The following LHFPL3 variants were observed in gnomAD, a reference collection of about 807,000 sequenced individuals.
LHFPL3 encodes the protein LHFPL tetraspan subfamily member 3 protein.
LHFPL3 carries 5 observed loss-of-function variants against 19.3 expected under a neutral mutation model. That is an observed-to-expected ratio of 0.26 (90% confidence interval 0.14 to 0.54). The LOEUF (loss-of-function observed/expected upper bound fraction) is 0.54, where lower values mean the gene tolerates loss of function less well. Among genes scored for constraint, LHFPL3 ranks in the 20% least tolerant of loss-of-function variants. The probability of loss-of-function intolerance (pLI) is 0.94; values close to 1 mark genes in which losing one functional copy is unlikely to be tolerated. For synonymous variants in LHFPL3, 133 were observed against 126.2 expected (o/e 1.05, Z -0.36); for missense variants, 249 against 307.4 (o/e 0.81, Z 1.42).
intron 1 of LHFPL3, among the ~76,000 whole-genome samples, chr7:104,469,172 G>A (rs1285423246): frequency 6.6e-6 from 1 of 152,134 alleles, no homozygotes. Context: ...TTTCTGAACT[G>A]GCTGCTGCAG....
intron 1 of LHFPL3, among the ~76,000 whole-genome samples, chr7:104,403,749 C>G (rs1350087096): frequency 6.6e-6 from 1 of 152,010 alleles, no homozygotes; most frequent in Non-Finnish European, 1.5e-5. Flanking sequence ...CTCTCTCTCT[C>G]TCTCTCTCTC....
chr7:104,664,998 C>G (rs561503325), intron 1 of LHFPL3, among the ~76,000 whole-genome samples: 1 of 152,104 alleles, frequency 6.6e-6, no homozygotes, highest in Non-Finnish European at 1.5e-5. Context: ...ATCTTGCTGG[C>G]CATATAAAAT....
At chr7:104,486,110 G>C (rs186354821) in intron 1 of LHFPL3, among the ~76,000 whole-genome samples, 8 of 152,290 alleles carry the variant, frequency 5.3e-5, no homozygotes, top group Admixed American at 3.3e-4. Context: ...TTGAGCAGAT[G>C]TGGCAAGAGT....
At chr7:104,797,583 T>A (rs925406712) in intron 2 of LHFPL3, among the ~76,000 whole-genome samples, 20 of 152,050 alleles carry the variant, frequency 1.3e-4, no homozygotes, top group Middle Eastern at 3.2e-3. Flanking sequence ...ACTTTTTTTT[T>A]AATTCCAATA....
At chr7:104,906,155 CT>C in intron 2 of LHFPL3, 31 bp from the exon 3 acceptor site, 4 of 1,604,410 alleles carry the variant, frequency 2.5e-6, no homozygotes, top group South Asian at 1.1e-5. Flanking sequence ...TCCCCCCACC[CT>C]TTTTCTCTCT....
At chr7:104,628,358 C>T (rs1791582890) in intron 1 of LHFPL3, among the ~76,000 whole-genome samples, 1 of 152,164 alleles carries the variant, frequency 6.6e-6, no homozygotes, top group South Asian at 2.1e-4. Flanking sequence ...TAAGATAGCA[C>T]AACAGAAATC....
intron 2 of LHFPL3, among the ~76,000 whole-genome samples, chr7:104,871,894 G>A (rs1358662149): frequency 6.6e-6 from 1 of 152,030 alleles, no homozygotes; most frequent in Non-Finnish European, 1.5e-5. Flanking sequence ...CTGACCTCAG[G>A]TGATCTGCCC....
At chr7:104,902,073 A>G (rs906795537) in intron 2 of LHFPL3, among the ~76,000 whole-genome samples, 1 of 152,078 alleles carries the variant, frequency 6.6e-6, no homozygotes, top group Non-Finnish European at 1.5e-5. Flanking sequence ...AGTTGACAAT[A>G]CTCAACAAAG....
At chr7:104,735,295 G>T (rs1273650485) in intron 1 of LHFPL3, among the ~76,000 whole-genome samples, 1 of 152,206 alleles carries the variant, frequency 6.6e-6, no homozygotes, top group African/African-American at 2.4e-5. Context: ...CTTTTGTTTG[G>T]CTATGCCCTG....
chr7:104,698,117 T>C (rs1321293830), intron 1 of LHFPL3, among the ~76,000 whole-genome samples: 1 of 152,184 alleles, frequency 6.6e-6, no homozygotes, highest in African/African-American at 2.4e-5. Context: ...AGGGCCTTAG[T>C]GTGGAGCAGC....
At chr7:104,554,680 TAGATAGATAGAC>T (rs796352594) in intron 1 of LHFPL3, among the ~76,000 whole-genome samples, 3,279 of 146,402 alleles carry the variant, frequency 0.022, 111 homozygotes, top group African/African-American at 0.078. Flanking sequence ...GATAGATAGA[TAGATAGATAGAC>T]AGACAGATGA....
chr7:104,789,057 G>A (rs1047481420), intron 2 of LHFPL3, among the ~76,000 whole-genome samples: 13 of 152,156 alleles, frequency 8.5e-5, no homozygotes, highest in Non-Finnish European at 1.9e-4. Context: ...TTTAAAAAAT[G>A]TGTTTCTTTA....
At chr7:104,496,853 G>A (rs1371623134) in intron 1 of LHFPL3, among the ~76,000 whole-genome samples, 1 of 152,182 alleles carries the variant, frequency 6.6e-6, no homozygotes, top group East Asian at 1.9e-4. Flanking sequence ...GAAAGTATTT[G>A]TGGGATCCCT....
At chr7:104,615,030 C>A (rs1253392048) in intron 1 of LHFPL3, among the ~76,000 whole-genome samples, 3 of 152,056 alleles carry the variant, frequency 2.0e-5, no homozygotes, top group Non-Finnish European at 4.4e-5. Context: ...ACTGAGATTA[C>A]AAGAGTGAGC....
chr7:104,337,298 A>T (rs1476154486), intron 1 of LHFPL3, among the ~76,000 whole-genome samples: 1 of 152,190 alleles, frequency 6.6e-6, no homozygotes, highest in Non-Finnish European at 1.5e-5. Flanking sequence ...AGATGATGAA[A>T]TTCAGGGTTG....
chr7:104,631,069 C>T (rs1562954145), intron 1 of LHFPL3, among the ~76,000 whole-genome samples: 1 of 152,100 alleles, frequency 6.6e-6, no homozygotes, highest in African/African-American at 2.4e-5. Flanking sequence ...AAGCTGTTCA[C>T]AAGAAGGTGT....
In LHFPL3 at chr7:104,622,202, G is replaced by C. The variant is rs1192281144; in HGVS notation, c.446-114473G>C. On this transcript the variant is annotated intron_variant, in intron 1 of 2. Transcript: ENST00000424859. ...CTGCAGTGTTGACCTCCCAGGCTTG[G>C]GCTCAGCCAGTCCTCTCACCGCTCA... 7.2e-5 allele frequency among the ~76,000 whole-genome samples: 11 copies of C among 151,974 alleles called. 1 individual carries two copies. The highest frequency in any genetic ancestry group is 1.6e-4 in the Non-Finnish European group (11 of 68,006).
At chr7:104,364,797 G>T (rs1454771636) in intron 1 of LHFPL3, among the ~76,000 whole-genome samples, 1 of 152,244 alleles carries the variant, frequency 6.6e-6, no homozygotes. Flanking sequence ...TCAACGGTAA[G>T]ATGAGACTGG....
intron 1 of LHFPL3, among the ~76,000 whole-genome samples, chr7:104,582,545 T>C (rs1365973505): frequency 6.6e-6 from 1 of 152,048 alleles, no homozygotes; most frequent in Non-Finnish European, 1.5e-5. Flanking sequence ...TTTTCCTAAT[T>C]ATAGGGAGAA....
Sources: gnomAD v4.1 joint callset for allele counts (sites outside exome capture counted in the v4.1 genomes callset) on GRCh38, gnomAD v4.1.1 for gene constraint, MANE v1.5 for transcripts, NCBI Gene and HGNC (gene_info 2026-07-23, HGNC 2026-07-21) for gene names.